The following CA10 variants were observed in gnomAD, a reference collection of about 807,000 sequenced individuals.
The protein encoded by CA10 is carbonic anhydrase-related protein 10.
In CA10, 14 loss-of-function variants were observed where a neutral mutation model predicts 44.2. The observed-to-expected ratio is 0.32, with a 90% CI of 0.21 to 0.50. The LOEUF (loss-of-function observed/expected upper bound fraction) is 0.50. Ranked by LOEUF, CA10 falls within the 20% of genes least tolerant of loss-of-function variation. The probability of loss-of-function intolerance (pLI) is 0.99; values close to 1 mark genes in which losing one functional copy is unlikely to be tolerated. For missense variants in CA10, 350 were observed against 409.7 expected (o/e 0.85, Z 1.26); for synonymous variants, 159 against 141.6 (o/e 1.12, Z -0.87).
chr17:51,825,436 T>C (rs1455169424), intron 3 of CA10, among the ~76,000 whole-genome samples: 1 of 152,148 alleles, frequency 6.6e-6, no homozygotes, highest in African/African-American at 2.4e-5. Flanking sequence ...AAGAACCCTA[T>C]GGGGTGTGAA....
At chr17:52,002,036 T>A (rs1427987161) in intron 2 of CA10, among the ~76,000 whole-genome samples, 2 of 151,816 alleles carry the variant, frequency 1.3e-5, no homozygotes, top group Non-Finnish European at 2.9e-5. Flanking sequence ...CTCTGAGATT[T>A]ATCCTGGTTT....
intron 2 of CA10, among the ~76,000 whole-genome samples, chr17:52,008,931 C>T (rs1985694201): frequency 6.6e-6 from 1 of 151,960 alleles, no homozygotes; most frequent in Non-Finnish European, 1.5e-5. Context: ...CCATGAGCTT[C>T]TAGAGGATAG....
At chr17:51,801,883 C>A (rs550280313) in intron 3 of CA10, among the ~76,000 whole-genome samples, 1 of 152,262 alleles carries the variant, frequency 6.6e-6, no homozygotes, top group South Asian at 2.1e-4. Flanking sequence ...GTAAGATTTT[C>A]TTTTTGAAGT....
intron 4 of CA10, among the ~76,000 whole-genome samples, chr17:51,742,186 G>T (rs568891862): frequency 6.6e-6 from 1 of 152,176 alleles, no homozygotes; most frequent in African/African-American, 2.4e-5. Flanking sequence ...GATGGGGGAA[G>T]GGAGATGGGG....
chr17:51,688,008 C>T (rs1471136440), intron 4 of CA10, among the ~76,000 whole-genome samples: 1 of 152,164 alleles, frequency 6.6e-6, no homozygotes, highest in African/African-American at 2.4e-5. Context: ...AGGGCCACAT[C>T]ATAAAACACC....
At chr17:51,929,656 T>C (rs1406752777) in intron 3 of CA10, among the ~76,000 whole-genome samples, 1 of 151,262 alleles carries the variant, frequency 6.6e-6, no homozygotes, top group Non-Finnish European at 1.5e-5. Context: ...TTTTCCTTCT[T>C]AAATACTGAC....
chr17:52,139,023 A>C (rs987311794), intron 1 of CA10, among the ~76,000 whole-genome samples: 1 of 152,228 alleles, frequency 6.6e-6, no homozygotes, highest in Non-Finnish European at 1.5e-5. Context: ...TTAGTAAAAA[A>C]GGCCCTGAAG....
chr17:51,823,501 T>C (rs1907895452), intron 3 of CA10, among the ~76,000 whole-genome samples: 1 of 152,246 alleles, frequency 6.6e-6, no homozygotes, highest in African/African-American at 2.4e-5. Context: ...TCTGCATATC[T>C]GGGTTCTCCT....
chr17:51,761,113 G>C (rs76043415), intron 3 of CA10: 1 of 152,136 alleles, frequency 6.6e-6, no homozygotes, highest in Non-Finnish European at 1.5e-5. Context: ...AGGAGTGGCC[G>C]GCTGGGCAGC....
chr17:51,920,926 A>G (rs1982205853), intron 3 of CA10, among the ~76,000 whole-genome samples: 1 of 152,194 alleles, frequency 6.6e-6, no homozygotes, highest in African/African-American at 2.4e-5. Flanking sequence ...CCTCTTTTAT[A>G]ACATTCATTT....
At chr17:51,746,660 A>G (rs1904699430) in intron 4 of CA10, among the ~76,000 whole-genome samples, 1 of 152,048 alleles carries the variant, frequency 6.6e-6, no homozygotes, top group South Asian at 2.1e-4. Flanking sequence ...CCCTTTTTTT[A>G]AATCTCTGTA....
chr17:52,128,649 G>A (rs116400714), intron 1 of CA10, among the ~76,000 whole-genome samples: 60 of 152,216 alleles, frequency 3.9e-4, no homozygotes, highest in African/African-American at 1.4e-3. Flanking sequence ...TATCTGATAC[G>A]TTAATTAGAA....
At chr17:51,673,132 C>T (rs1243067569) in intron 4 of CA10, among the ~76,000 whole-genome samples, 1 of 152,196 alleles carries the variant, frequency 6.6e-6, no homozygotes, top group African/African-American at 2.4e-5. Context: ...TCCATGAATT[C>T]AGAGCTGGGT....
At chr17:51,967,154 G>A (rs1454569829) in intron 2 of CA10, among the ~76,000 whole-genome samples, 1 of 151,542 alleles carries the variant, frequency 6.6e-6, no homozygotes, top group East Asian at 1.9e-4. Flanking sequence ...CATCTGATGT[G>A]TCAGAATGGC....
chr17:51,761,134 A>T (rs1378503651), intron 3 of CA10: 1 of 152,176 alleles, frequency 6.6e-6, no homozygotes, highest in African/African-American at 2.4e-5. Context: ...TGCTGAGGAT[A>T]CCAGGCTCTG....
At chr17:52,109,398 A>G (rs1286604307) in intron 1 of CA10, among the ~76,000 whole-genome samples, 1 of 152,244 alleles carries the variant, frequency 6.6e-6, no homozygotes, top group Admixed American at 6.5e-5. Context: ...GCAATAGAGT[A>G]GAGAGAAGAA....
At chr17:51,837,091 C>G (rs1272116598) in intron 3 of CA10, among the ~76,000 whole-genome samples, 5 of 151,810 alleles carry the variant, frequency 3.3e-5, no homozygotes, top group Non-Finnish European at 5.9e-5. Context: ...CACACACACA[C>G]ACACACACAC....
chr17:52,105,319 A>G (rs1185122818), intron 1 of CA10, among the ~76,000 whole-genome samples: 2 of 152,002 alleles, frequency 1.3e-5, no homozygotes, highest in Non-Finnish European at 2.9e-5. Flanking sequence ...CAGTGGCACA[A>G]TCTCGGCTCA....
At chr17:51,864,074 C>T (rs970301201) in intron 3 of CA10, among the ~76,000 whole-genome samples, 1 of 152,320 alleles carries the variant, frequency 6.6e-6, no homozygotes, top group South Asian at 2.1e-4. Flanking sequence ...CAGCTCCCAT[C>T]TTGACTCACC....
Sources: allele counts gnomAD v4.1 joint callset (sites outside exome capture counted in the v4.1 genomes callset), GRCh38; gene constraint gnomAD v4.1.1; transcripts MANE v1.5; gene names NCBI Gene and HGNC (gene_info 2026-07-23, HGNC 2026-07-21).